Variants in MDGA2 observed in about 807,000 individuals in gnomAD.
MDGA2 encodes MAM domain-containing glycosylphosphatidylinositol anchor protein 2.
In MDGA2, 40 loss-of-function variants were observed where a neutral mutation model predicts 117.8. The ratio of observed to expected loss-of-function variants is 0.34; its 90% CI spans 0.26 to 0.44. MDGA2 has a LOEUF of 0.44. Ranked by LOEUF, MDGA2 falls within the 20% of genes least tolerant of loss-of-function variation. MDGA2 has a pLI of 1.00. For synonymous variants in MDGA2, 452 were observed against 439.0 expected (o/e 1.03, Z -0.37); for missense variants, 1,123 against 1,250.6 (o/e 0.90, Z 1.54).
At chr14:47,368,070 A>C (rs911393624) in intron 1 of MDGA2, among the ~76,000 whole-genome samples, 1 of 152,050 alleles carries the variant, frequency 6.6e-6, no homozygotes, top group Non-Finnish European at 1.5e-5. Context: ...TCCTGAGGTC[A>C]GGAGTTCGAG....
At chr14:47,342,093 C>T (rs1029534027) in intron 1 of MDGA2, among the ~76,000 whole-genome samples, 1 of 151,872 alleles carries the variant, frequency 6.6e-6, no homozygotes, top group Non-Finnish European at 1.5e-5. Flanking sequence ...TCAAGGGATC[C>T]GCCTGCCTCA....
At chr14:46,864,419 C>T (rs947075078) in intron 14 of MDGA2, among the ~76,000 whole-genome samples, 12 of 151,128 alleles carry the variant, frequency 7.9e-5, no homozygotes, top group African/African-American at 2.9e-4. Flanking sequence ...TAGTTCTTTA[C>T]ATTTTAGTTC....
chr14:46,920,799 T>C (rs957197957), intron 9 of MDGA2, among the ~76,000 whole-genome samples: 7 of 152,190 alleles, frequency 4.6e-5, no homozygotes, highest in Admixed American at 2.0e-4. Context: ...AGTGATCCAC[T>C]GTGTAGAAAA....
At chr14:47,199,194 T>C (rs1444725024) in intron 3 of MDGA2, among the ~76,000 whole-genome samples, 3 of 151,316 alleles carry the variant, frequency 2.0e-5, no homozygotes, top group Non-Finnish European at 4.4e-5. Context: ...TCCCTCTCCC[T>C]CTCTCTCTCT....
intron 2 of MDGA2, among the ~76,000 whole-genome samples, chr14:47,286,492 G>C (rs1888674119): frequency 6.6e-6 from 1 of 151,840 alleles, no homozygotes. Flanking sequence ...CTGTCTTTCT[G>C]TGCCTGTTTT....
At chr14:47,465,451 T>A (rs994994607) in intron 1 of MDGA2, among the ~76,000 whole-genome samples, 1 of 151,732 alleles carries the variant, frequency 6.6e-6, no homozygotes, top group Non-Finnish European at 1.5e-5. Context: ...AGGTCTAATA[T>A]CCAGAGTCTA....
intron 1 of MDGA2, among the ~76,000 whole-genome samples, chr14:47,651,241 TG>T (rs1566559285): frequency 3.0e-4 from 46 of 151,912 alleles, no homozygotes; most frequent in Admixed American, 7.2e-4. Context: ...TGTGTGTGTG[TG>T]TGTGTGTGTA....
intron 1 of MDGA2, among the ~76,000 whole-genome samples, chr14:47,429,974 T>C (rs1892766463): frequency 6.9e-6 from 1 of 145,944 alleles, no homozygotes; most frequent in Admixed American, 7.0e-5. Context: ...GCATTCTAGA[T>C]GGAAAAGCAT....
At chr14:47,241,763 C>A (rs1887049600) in intron 2 of MDGA2, among the ~76,000 whole-genome samples, 1 of 151,742 alleles carries the variant, frequency 6.6e-6, no homozygotes, top group East Asian at 1.9e-4. Flanking sequence ...TATGATTTTT[C>A]CACTGAGGTA....
chr14:47,312,232 T>C (rs1889658435), intron 1 of MDGA2, among the ~76,000 whole-genome samples: 3 of 152,158 alleles, frequency 2.0e-5, no homozygotes, highest in African/African-American at 7.2e-5. Flanking sequence ...TCTGTAAGTA[T>C]GTATCTCAGT....
intron 1 of MDGA2, among the ~76,000 whole-genome samples, chr14:47,446,927 A>G (rs1893135426): frequency 6.6e-6 from 1 of 152,178 alleles, no homozygotes; most frequent in Admixed American, 6.6e-5. Context: ...TTCTATTCAC[A>G]TACTATGAAT....
intron 3 of MDGA2, among the ~76,000 whole-genome samples, chr14:47,213,919 T>A (rs1885981407): frequency 6.6e-6 from 1 of 152,140 alleles, no homozygotes; most frequent in Non-Finnish European, 1.5e-5. Context: ...CAAGGCACCT[T>A]CTTCGCAAGT....
chr14:47,403,374 G>A (rs1203838864), intron 1 of MDGA2, among the ~76,000 whole-genome samples: 1 of 152,004 alleles, frequency 6.6e-6, no homozygotes, highest in East Asian at 1.9e-4. Context: ...TTCCTTATCA[G>A]TCTTCTTTGT....
At chr14:47,083,081 G>A (rs769610145) in intron 6 of MDGA2, among the ~76,000 whole-genome samples, 33 of 151,828 alleles carry the variant, frequency 2.2e-4, no homozygotes, top group East Asian at 1.9e-4. Context: ...CACAAAATAC[G>A]TAAAGCTCAG....
At chr14:46,948,917 G>C (rs1158195842) in intron 9 of MDGA2, among the ~76,000 whole-genome samples, 1 of 151,932 alleles carries the variant, frequency 6.6e-6, no homozygotes, top group African/African-American at 2.4e-5. Flanking sequence ...TCTGACATCA[G>C]TCATCCTCTC....
intron 1 of MDGA2, among the ~76,000 whole-genome samples, chr14:47,430,245 T>A (rs1001193954): frequency 6.6e-6 from 1 of 151,970 alleles, no homozygotes; most frequent in African/African-American, 2.4e-5. Context: ...TTGCAGGAGA[T>A]AATGGAAGTA....
At chr14:47,220,013 A>T (rs1057165921) in intron 2 of MDGA2, among the ~76,000 whole-genome samples, 1 of 152,182 alleles carries the variant, frequency 6.6e-6, no homozygotes, top group African/African-American at 2.4e-5. Flanking sequence ...ATTGTAAAGA[A>T]GTTTTAAAAA....
At chr14:47,042,610 C>G (rs1361811393) in intron 7 of MDGA2, among the ~76,000 whole-genome samples, 1 of 152,038 alleles carries the variant, frequency 6.6e-6, no homozygotes, top group Non-Finnish European at 1.5e-5. Context: ...TGGATATACT[C>G]GGATTTTGAA....
At chr14:47,059,186 G>T in intron 7 of MDGA2, 1 of 843,124 alleles carries the variant, frequency 1.2e-6, no homozygotes, top group Non-Finnish European at 1.6e-6. Flanking sequence ...ATAATTATCT[G>T]TTTAGTACCT....
Sources: allele counts gnomAD v4.1 joint callset (sites outside exome capture counted in the v4.1 genomes callset), GRCh38; gene constraint gnomAD v4.1.1; transcripts MANE v1.5; gene names NCBI Gene and HGNC (gene_info 2026-07-23, HGNC 2026-07-21).